The following MDGA2 variants were observed in gnomAD, a reference collection of about 807,000 sequenced individuals.
The protein encoded by MDGA2 is MAM domain containing glycosylphosphatidylinositol anchor 2.
Under a neutral mutation model 117.8 loss-of-function variants are expected in MDGA2, and 40 were observed. The observed-to-expected ratio is 0.34, with a 90% confidence interval of 0.26 to 0.44. The LOEUF (loss-of-function observed/expected upper bound fraction) is 0.44, where lower values mean the gene tolerates loss of function less well. Ranked by LOEUF, MDGA2 falls within the 20% of genes least tolerant of loss-of-function variation. The pLI is 1.00. For synonymous variants in MDGA2, 452 were observed against 439.0 expected (o/e 1.03, Z -0.37); for missense variants, 1,123 against 1,250.6 (o/e 0.90, Z 1.54).
intron 1 of MDGA2, among the ~76,000 whole-genome samples, chr14:47,384,836 A>T (rs1891721649): frequency 6.6e-6 from 1 of 152,192 alleles, no homozygotes; most frequent in African/African-American, 2.4e-5. Flanking sequence ...AGATGAACAG[A>T]ACACTGCAGA....
chr14:47,294,793 C>T (rs563044963), intron 2 of MDGA2, among the ~76,000 whole-genome samples: 1 of 152,068 alleles, frequency 6.6e-6, no homozygotes, highest in African/African-American at 2.4e-5. Flanking sequence ...ATACATGTAG[C>T]ACTAATGGTT....
intron 6 of MDGA2, among the ~76,000 whole-genome samples, chr14:47,073,614 A>G (rs959093254): frequency 6.6e-6 from 1 of 152,192 alleles, no homozygotes. Flanking sequence ...AAAATTTGAT[A>G]AAGACAAAGA....
intron 15 of MDGA2, among the ~76,000 whole-genome samples, chr14:46,850,196 C>A (rs1881003942): frequency 6.6e-6 from 1 of 151,764 alleles, no homozygotes; most frequent in Non-Finnish European, 1.5e-5. Context: ...TTGTACCTCA[C>A]AAAATTGTTT....
chr14:47,351,730 A>C (rs1424760483), intron 1 of MDGA2, among the ~76,000 whole-genome samples: 1 of 152,174 alleles, frequency 6.6e-6, no homozygotes, highest in Non-Finnish European at 1.5e-5. Flanking sequence ...AATTATTATG[A>C]TTTGCTAATG....
intron 1 of MDGA2, among the ~76,000 whole-genome samples, chr14:47,409,855 TAAAGAAAC>T (rs1892334958): frequency 6.6e-6 from 1 of 152,176 alleles, no homozygotes; most frequent in Non-Finnish European, 1.5e-5. Context: ...TGGAGCATTC[TAAAGAAAC>T]AGCGTGGACC....
intron 9 of MDGA2, among the ~76,000 whole-genome samples, chr14:46,928,358 G>T (rs1485654128): frequency 6.6e-6 from 1 of 152,064 alleles, no homozygotes; most frequent in South Asian, 2.1e-4. Context: ...AAGCTTTATG[G>T]AATTTATGGC....
rs1882130565 is a variant in MDGA2 at position 46,874,172 on chromosome 14, A to G, written c.2466T>C (p.Gly822=). 1 of 1,460,046 alleles carries G rather than the reference A, an allele frequency of 6.8e-7. No homozygotes were observed. The highest frequency in any genetic ancestry group is 1.6e-5 in the South Asian group (1 of 60,810). The allele number at this position is 1,460,046 out of a possible 1,614,324, so 90.4% of individuals were successfully genotyped here. A position where few individuals can be genotyped will look rare whatever the true frequency, so the allele number is the denominator to read the frequency against. ...CATCTTGAGTGAACAAACAAATATT[A>G]CCATCTTCAAATCCACAATGAAATT... ...LREFHCGFED[G]NICLFTQDDT... Residue 822 remains glycine (G), a synonymous_variant, in exon 13 of 17, where the codon GGT becomes GGC. Coordinates refer to ENST00000399232, the MANE Select transcript of MDGA2 (RefSeq NM_001113498.3).
At chr14:46,933,506 A>G (rs1392582404) in intron 9 of MDGA2, among the ~76,000 whole-genome samples, 3 of 151,644 alleles carry the variant, frequency 2.0e-5, no homozygotes, top group Non-Finnish European at 2.9e-5. Flanking sequence ...TGGGCAAAAT[A>G]TAAGTGTTTA....
At chr14:46,932,540 C>T (rs952425359) in intron 9 of MDGA2, among the ~76,000 whole-genome samples, 1 of 151,990 alleles carries the variant, frequency 6.6e-6, no homozygotes, top group Non-Finnish European at 1.5e-5. Flanking sequence ...TATAACCTTT[C>T]CTAAAATCAT....
At chr14:47,058,235 A>G (rs1209462065) in intron 7 of MDGA2, among the ~76,000 whole-genome samples, 1 of 152,180 alleles carries the variant, frequency 6.6e-6, no homozygotes, top group Non-Finnish European at 1.5e-5. Flanking sequence ...GTAAGATTTT[A>G]TATGAAAAAC....
intron 2 of MDGA2, among the ~76,000 whole-genome samples, chr14:47,258,813 T>G (rs1022920772): frequency 3.3e-5 from 5 of 150,790 alleles, no homozygotes; most frequent in African/African-American, 4.9e-5. Flanking sequence ...ATGCTGCTTA[T>G]TTTTTTTTCA....
At chr14:47,088,158 G>A (rs1890977908) in intron 6 of MDGA2, among the ~76,000 whole-genome samples, 1 of 151,838 alleles carries the variant, frequency 6.6e-6, no homozygotes, top group African/African-American at 2.4e-5. Context: ...GGATAAGTTA[G>A]TTTTATTTAC....
intron 1 of MDGA2, among the ~76,000 whole-genome samples, chr14:47,513,584 A>AAATG (rs1186342933): frequency 6.6e-6 from 1 of 152,092 alleles, no homozygotes; most frequent in Non-Finnish European, 1.5e-5. Flanking sequence ...CATTCTGGAA[A>AAATG]AATGAATGGG....
At chr14:47,499,764 T>C (rs1355027378) in intron 1 of MDGA2, among the ~76,000 whole-genome samples, 1 of 152,124 alleles carries the variant, frequency 6.6e-6, no homozygotes, top group Non-Finnish European at 1.5e-5. Flanking sequence ...TCTGTCTCCC[T>C]AGAAGGGGCA....
chr14:47,298,764 A>G (rs1889170070), intron 2 of MDGA2, among the ~76,000 whole-genome samples: 1 of 147,402 alleles, frequency 6.8e-6, no homozygotes, highest in South Asian at 2.2e-4. Context: ...GGCTCACTGC[A>G]AGCTCCGCCT....
intron 8 of MDGA2, among the ~76,000 whole-genome samples, chr14:47,030,115 C>G (rs1012878973): frequency 6.6e-6 from 1 of 151,948 alleles, no homozygotes; most frequent in African/African-American, 2.4e-5. Flanking sequence ...TGTGAGCCAC[C>G]CCCCGCCCAC....
In MDGA2 at chr14:47,110,769, T is replaced by C. The variant is rs954899728; in HGVS notation, c.926-13646A>G. Among the ~76,000 whole-genome samples, 3 of 152,154 alleles carry C rather than the reference T, an allele frequency of 2.0e-5. No individual in the cohort carries two copies. In the East Asian group the frequency reaches 5.8e-4, roughly 29 times the overall value. The stretch of plus-strand genomic sequence containing the variant: ...GCTTAGAGCAAGTTTTTATCATGAT[T>C]AGGAAAACATCTGCACATATAGCCT... On this transcript the variant is annotated intron_variant, in intron 5 of 16. Coordinates refer to ENST00000399232, the MANE Select transcript of MDGA2 (RefSeq NM_001113498.3).
At chr14:47,088,328 T>C (rs1481092174) in intron 6 of MDGA2, among the ~76,000 whole-genome samples, 1 of 152,102 alleles carries the variant, frequency 6.6e-6, no homozygotes, top group Admixed American at 6.6e-5. Flanking sequence ...GTGTAATTAC[T>C]ACAGAATATT....
At chr14:47,357,426 G>A (rs1891019632) in intron 1 of MDGA2, among the ~76,000 whole-genome samples, 1 of 152,204 alleles carries the variant, frequency 6.6e-6, no homozygotes, top group South Asian at 2.1e-4. Context: ...GACAGTGTAG[G>A]GTTGGACAAT....
Sources: allele counts gnomAD v4.1 joint callset (sites outside exome capture counted in the v4.1 genomes callset), GRCh38; gene constraint gnomAD v4.1.1; transcripts MANE v1.5; gene names NCBI Gene and HGNC (gene_info 2026-07-23, HGNC 2026-07-21).